PRKCE: variants seen among roughly 807,000 people sequenced by gnomAD.
The protein encoded by PRKCE is protein kinase C epsilon type.
Under a neutral mutation model 85.4 loss-of-function variants are expected in PRKCE, and 16 were observed. The ratio of observed to expected loss-of-function variants is 0.19; its 90% CI spans 0.13 to 0.28. PRKCE has a LOEUF of 0.28. PRKCE is among the 10% of genes least tolerant of loss of function. PRKCE has a pLI of 1.00. For synonymous variants in PRKCE, 388 were observed against 371.5 expected, an observed-to-expected ratio of 1.04 and a Z score of -0.51; for missense variants, 573 against 975.2, an observed-to-expected ratio of 0.59 and a Z score of 5.49.
chr2:45,703,027 C>G (rs1056130513), intron 1 of PRKCE, among the ~76,000 whole-genome samples: 1 of 151,806 alleles, frequency 6.6e-6, no homozygotes, highest in South Asian at 2.1e-4. Context: ...TTTTTCCCCC[C>G]CCGTCAGGAA....
chr2:46,132,002 A>T (rs1228248713), intron 11 of PRKCE, among the ~76,000 whole-genome samples: 2 of 152,092 alleles, frequency 1.3e-5, no homozygotes, highest in African/African-American at 4.8e-5. Flanking sequence ...ATTATTTCTA[A>T]ATCAGAGTCT....
chr2:45,724,611 A>G (rs1680904418), intron 1 of PRKCE, among the ~76,000 whole-genome samples: 1 of 152,360 alleles, frequency 6.6e-6, no homozygotes, highest in East Asian at 1.9e-4. Flanking sequence ...ATGCAAAGGA[A>G]AAGTTCTTGA....
intron 1 of PRKCE, among the ~76,000 whole-genome samples, chr2:45,733,576 G>A (rs1234346926): frequency 2.6e-5 from 4 of 152,232 alleles, no homozygotes; most frequent in Admixed American, 6.5e-5. Context: ...GGGGTGTTAT[G>A]TGGGCTGGTC....
At chr2:45,710,748 A>T (rs1679555660) in intron 1 of PRKCE, among the ~76,000 whole-genome samples, 1 of 152,164 alleles carries the variant, frequency 6.6e-6, no homozygotes. Flanking sequence ...GGCCAATCAG[A>T]GATGCTCAGG....
chr2:45,992,269 T>C (rs1240010534), intron 6 of PRKCE, among the ~76,000 whole-genome samples: 1 of 152,188 alleles, frequency 6.6e-6, no homozygotes, highest in Non-Finnish European at 1.5e-5. Context: ...ACGTGGCAGA[T>C]TGGCTGAAAA....
chr2:45,887,698 T>G (rs1695403414), intron 2 of PRKCE, among the ~76,000 whole-genome samples: 1 of 152,198 alleles, frequency 6.6e-6, no homozygotes, highest in Non-Finnish European at 1.5e-5. Flanking sequence ...GCAAATGATG[T>G]CCTGGTCCTG....
intron 1 of PRKCE, among the ~76,000 whole-genome samples, chr2:45,672,552 G>C (rs192525503): frequency 6.6e-6 from 1 of 152,212 alleles, no homozygotes; most frequent in Non-Finnish European, 1.5e-5. Flanking sequence ...TTTAGTAAGG[G>C]AGTCTGATTT....
chr2:46,004,329 C>G lies in PRKCE; in HGVS notation c.967-213C>G. ...AATGTAGGGAAGGTGCACTGAAATT[C>G]CTTTTGTGGTTCTTGCTCTGGTCAG... On this transcript the variant is annotated intron_variant, in intron 7 of 14. Coordinates refer to ENST00000306156, the MANE Select transcript of PRKCE (RefSeq NM_005400.3). The surrounding 1 kb of genome is among the most constrained non-coding windows in gnomAD (Gnocchi z 4.1). The G allele has an allele frequency of 2.0e-6, 1 of 498,634 alleles. No individual in the cohort carries two copies. Among genetic ancestry groups the G allele is most frequent in the Non-Finnish European group, 3.7e-6 (1 of 270,548 alleles). 30.9% of individuals were successfully genotyped at this position (498,634 alleles called of 1,614,324 possible).
chr2:46,086,501 G>A (rs1669651732), intron 11 of PRKCE, 139 bp downstream of exon 11: 1 of 1,058,072 alleles, frequency 9.5e-7, no homozygotes, highest in African/African-American at 1.6e-5. Flanking sequence ...TTTGCTTACA[G>A]AAGACTTTTT....
intron 11 of PRKCE, among the ~76,000 whole-genome samples, chr2:46,114,407 CTTTTTTTTTTTTTTTTTT>C (rs36107970): frequency 2.1e-5 from 1 of 47,682 alleles, no homozygotes; most frequent in African/African-American, 9.9e-5. Flanking sequence ...GAGTCCAAGG[CTTTTTTTTTTTTTTTTTT>C]TTTTTTTTTT....
chr2:45,918,858 C>G (rs1362774487), intron 2 of PRKCE, among the ~76,000 whole-genome samples: 1 of 152,156 alleles, frequency 6.6e-6, no homozygotes, highest in Non-Finnish European at 1.5e-5. Context: ...AAGGACAGGC[C>G]GTATTATTGA....
chr2:45,903,688 A>G (rs918656082), intron 2 of PRKCE, among the ~76,000 whole-genome samples: 11 of 152,186 alleles, frequency 7.2e-5, no homozygotes, highest in Admixed American at 6.5e-5. Context: ...AGGGAAGCCT[A>G]GACACACAGA....
At position 46,004,810 on chromosome 2, in the gene PRKCE, A is replaced by C. The variant is rs1705026428; in HGVS notation, c.1063+172A>C. On this transcript the variant is annotated intron_variant, in intron 8 of 14. Coordinates refer to ENST00000306156, the MANE Select transcript of PRKCE (RefSeq NM_005400.3). The surrounding 1 kb of genome is among the most constrained non-coding windows in gnomAD (Gnocchi z 4.1). ...TTTAACAGTTCTTTCATTCTCCAAG[A>C]CCTTCTTGAGGGCTGGGCACTCCAT... Among the ~76,000 whole-genome samples the C allele has an allele frequency of 6.6e-6, 1 of 151,988 alleles. No homozygotes were observed. The highest frequency in any genetic ancestry group is 1.5e-5 in the Non-Finnish European group (1 of 68,016).
intron 2 of PRKCE, among the ~76,000 whole-genome samples, chr2:45,964,148 T>C (rs1701576146): frequency 6.6e-6 from 1 of 152,220 alleles, no homozygotes; most frequent in Non-Finnish European, 1.5e-5. Flanking sequence ...GCTTGTTATT[T>C]GTTCGAGGGA....
At chr2:45,669,598 T>C (rs1306547400) in intron 1 of PRKCE, among the ~76,000 whole-genome samples, 3 of 152,216 alleles carry the variant, frequency 2.0e-5, no homozygotes, top group African/African-American at 4.8e-5. Flanking sequence ...AAAAGACTGA[T>C]CTGATCACAT....
At chr2:45,853,022 A>T (rs1007209369) in intron 2 of PRKCE, among the ~76,000 whole-genome samples, 1 of 152,218 alleles carries the variant, frequency 6.6e-6, no homozygotes, top group Non-Finnish European at 1.5e-5. Flanking sequence ...CCTCTGAACC[A>T]TGCTGAGCAG....
At chr2:45,919,006 G>C (rs1024936437) in intron 2 of PRKCE, among the ~76,000 whole-genome samples, 2 of 152,348 alleles carry the variant, frequency 1.3e-5, no homozygotes, top group Admixed American at 1.3e-4. Context: ...AGCTGGGATG[G>C]ACAGCCACCT....
chr2:45,857,059 T>C (rs1300848160), intron 2 of PRKCE, among the ~76,000 whole-genome samples: 3 of 152,228 alleles, frequency 2.0e-5, no homozygotes, highest in East Asian at 1.9e-4. Flanking sequence ...TTCTTTTGGA[T>C]ATATACCCAG....
At chr2:46,031,722 C>T (rs971168605) in intron 10 of PRKCE, among the ~76,000 whole-genome samples, 6 of 151,912 alleles carry the variant, frequency 3.9e-5, no homozygotes, top group African/African-American at 1.2e-4. Flanking sequence ...AGTGTGATTA[C>T]ACCCAGCAGG....
Sources: allele counts gnomAD v4.1 joint callset (sites outside exome capture counted in the v4.1 genomes callset), GRCh38; gene constraint gnomAD v4.1.1; non-coding constraint Gnocchi (gnomAD v3.1); transcripts MANE v1.5; gene names NCBI Gene and HGNC (gene_info 2026-07-23, HGNC 2026-07-21).